Variants in SVIL observed in about 807,000 individuals in gnomAD.
SVIL encodes the protein archvillin.
In SVIL, 101 loss-of-function variants were observed where a neutral mutation model predicts 240.4. The ratio of observed to expected loss-of-function variants is 0.42; its 90% CI spans 0.36 to 0.50. The LOEUF (loss-of-function observed/expected upper bound fraction) is 0.50, where lower values mean the gene tolerates loss of function less well. Among genes scored for constraint, SVIL ranks in the 20% least tolerant of loss-of-function variants. The probability of loss-of-function intolerance (pLI) is 0.01; values close to 1 mark genes in which losing one functional copy is unlikely to be tolerated. For missense variants in SVIL, 2,512 were observed against 2,818.7 expected, an observed-to-expected ratio of 0.89 and a Z score of 2.46; for synonymous variants, 999 against 1,100.0, an observed-to-expected ratio of 0.91 and a Z score of 1.82.
intron 14 of SVIL, 138 bp from the exon 15 acceptor site, chr10:29,524,165 G>C (rs1950741514): frequency 1.0e-6 from 1 of 999,786 alleles, no homozygotes; most frequent in African/African-American, 1.6e-5. Context: ...ACCATTCCTG[G>C]ACATAGTTAT....
At position 29,499,139 on chromosome 10, in the gene SVIL, A is replaced by G; in HGVS notation, c.3641T>C (p.Val1214Ala). 6.2e-7 allele frequency: 1 copy of G among 1,611,420 alleles called. No homozygotes were observed. The highest frequency in any genetic ancestry group is 1.1e-5 in the South Asian group (1 of 90,736). ...ACCTTTCTTCACCATCCTGCCAGCC[A>G]CAGTGAACTGGGTCGAGTCGTTGGC... ...GAANDSTQFT[V>A]AGRMVKKGLA... Residue 1214 changes from valine to alanine, a missense_variant, in exon 18 of 38, where the codon GTG (valine) becomes GCG (alanine). Coordinates refer to ENST00000355867, the MANE Select transcript of SVIL (RefSeq NM_021738.3).
rs886155023 is a variant in SVIL, at chr10:29,481,164, GTGTT to G, written c.5101-355_5101-352del. 8.2e-3 allele frequency among the ~76,000 whole-genome samples: 1,163 copies of G among 141,086 alleles called. 9 individuals carry two copies. Among genetic ancestry groups the G allele is most frequent in the African/African-American group, 0.022 (710 of 31,748 alleles). 92.6% of individuals were successfully genotyped at this position (141,086 alleles called of 152,430 possible). ...TGTGTGTGTGTGTGTGTGTGTGTGT[GTGTT>G]TGTTTGTGTGTCTGTGTGTCCATGG... On this transcript the variant is annotated intron_variant, in intron 28 of 37. Coordinates refer to ENST00000355867, the MANE Select transcript of SVIL (RefSeq NM_021738.3).
intron 6 of SVIL, among the ~76,000 whole-genome samples, chr10:29,546,146 T>TA (rs1952665256): frequency 6.6e-6 from 1 of 152,224 alleles, no homozygotes; most frequent in Admixed American, 6.5e-5. Context: ...CTCAGGTGTT[T>TA]AAAAATCTGA....
intron 1 of SVIL, among the ~76,000 whole-genome samples, chr10:29,713,166 A>G (rs1963403494): frequency 6.6e-6 from 1 of 151,922 alleles, no homozygotes; most frequent in Admixed American, 6.6e-5. Flanking sequence ...ACAGAGTGAC[A>G]GTCCATCTCA....
intron 1 of SVIL, among the ~76,000 whole-genome samples, chr10:29,697,695 AGACCTTT>A (rs568077921): frequency 0.02 from 2,223 of 112,758 alleles, 214 homozygotes; most frequent in Middle Eastern, 0.052. Flanking sequence ...GGAAAACCAG[AGACCTTT>A]GTTCACTTGT....
exon 2 of SVIL, chr10:29,686,563 G>A (rs148731590): frequency 2.6e-5 from 4 of 152,078 alleles, no homozygotes; most frequent in African/African-American, 7.2e-5. Context: ...CTTTTCTTCC[G>A]CTAGTCAAAA....
In SVIL at chr10:29,725,757, G is replaced by A. The variant is rs147193788; in HGVS notation, c.-400+9994C>T. ...CAACGCTCAGCAGAGGGAAAAGAAA[G>A]CCTCTTTAGAAACAGAGTTGGCAAA... On this transcript the variant is annotated intron_variant, in intron 1 of 35. Coordinates refer to the SVIL transcript ENST00000375400. 5.2e-3 allele frequency among the ~76,000 whole-genome samples: 791 copies of A among 152,194 alleles called. 4 individuals are homozygous for A. The highest frequency in any genetic ancestry group is 0.014 in the African/African-American group (595 of 41,526).
rs774953416 is a variant in SVIL, at chr10:29,523,993, G to A, written c.2621C>T (p.Ala874Val). The A allele has an allele frequency of 2.5e-6, 4 of 1,613,808 alleles. No individual in the cohort carries two copies. The South Asian group carries it at 3.3e-5, about 13-fold the overall frequency. ...TACGGTAGACACTGATGTGTTCACG[G>A]CAGGTGAGAAAGGAATGAGCTTTCC... ...QSGKLIPFSP[A>V]VNTSVSTVAS... Residue 874 changes from alanine (A) to valine (V), a missense_variant, in exon 15 of 38, where the codon GCC (alanine) becomes GTC (valine). Physicochemically the swap from Ala to Val is moderately conservative, Grantham distance 64. Coordinates refer to ENST00000355867, the MANE Select transcript of SVIL (RefSeq NM_021738.3).
intron 3 of SVIL, among the ~76,000 whole-genome samples, chr10:29,640,987 C>T (rs1958465761): frequency 2.0e-5 from 3 of 152,236 alleles, no homozygotes; most frequent in South Asian, 4.1e-4. Flanking sequence ...AGGTGGATAG[C>T]GCTTGCTTCT....
At chr10:29,598,922 G>A (rs1304393319) in intron 1 of SVIL, among the ~76,000 whole-genome samples, 1 of 152,178 alleles carries the variant, frequency 6.6e-6, no homozygotes, top group Non-Finnish European at 1.5e-5. Flanking sequence ...TGACAGATTT[G>A]GAACATGAGC....
intron 3 of SVIL, among the ~76,000 whole-genome samples, chr10:29,648,812 T>TG (rs1350140846): frequency 2.2e-5 from 3 of 133,734 alleles, no homozygotes; most frequent in African/African-American, 3.1e-5. Context: ...ACAGGACAGC[T>TG]GGGAAAAAAA....
At chr10:29,631,775 A>AAAAAAAT (rs1466199886) in intron 1 of SVIL, among the ~76,000 whole-genome samples, 1 of 152,130 alleles carries the variant, frequency 6.6e-6, no homozygotes, top group African/African-American at 2.4e-5. Context: ...ACTCCATCTC[A>AAAAAAAT]AAAAAATAAA....
chr10:29,551,079 C>T lies in SVIL; in HGVS notation c.345G>A (p.Gln115=). The T allele has an allele frequency of 6.2e-7, 1 of 1,614,186 alleles. No individual in the cohort carries two copies. Residue 115 remains glutamine (Q), a synonymous_variant, in exon 6 of 38, where the codon CAG becomes CAA. Transcript: ENST00000355867. ...IARYKAERRR[Q]LAEKYGLTLD... ...GAGTCAGCCCATACTTCTCTGCCAG[C>T]TGTCGCCTTCTTTCTGCTTTGTACC...
rs189166945 is a variant in SVIL at position 29,715,401 on chromosome 10, T to C, written c.-400+20350A>G. 3.0e-4 allele frequency among the ~76,000 whole-genome samples: 45 copies of C among 152,282 alleles called. No homozygotes were observed. The East Asian group carries it at 8.5e-3, about 29-fold the overall frequency. On this transcript the variant is annotated intron_variant, in intron 1 of 35. Transcript: ENST00000375400. ...AGCTTTCCCCTAACACTCTCGTGAT[T>C]GGTGTGAAAATGAAACCTGCTCCTT...
At chr10:29,652,146 A>G (rs185313529) in intron 3 of SVIL, among the ~76,000 whole-genome samples, 2 of 152,310 alleles carry the variant, frequency 1.3e-5, no homozygotes, top group Admixed American at 6.5e-5. Flanking sequence ...TAGAAACTCA[A>G]TTCTAGTCAC....
Position 29,488,632 on chromosome 10 carries a change from G to C in SVIL, c.4317C>G (p.Pro1439=). 1 of 1,609,110 alleles carries C rather than the reference G, an allele frequency of 6.2e-7. No homozygotes were observed. Among genetic ancestry groups the C allele is most frequent in the Non-Finnish European group, 8.5e-7 (1 of 1,178,454 alleles). The change falls in exon 23 of 38, where the codon CCC becomes CCG. Residue 1439 remains proline (P), a synonymous_variant. Transcript: ENST00000355867. ...TCTGCAACAGCATCAGCCTCTTGTAGGGCACGGCGCTGTTGTTAGAGTTCT... is the reference window on the plus strand; with the variant it reads ...TCTGCAACAGCATCAGCCTCTTGTACGGCACGGCGCTGTTGTTAGAGTTCT... The part of the protein sequence containing the change: ...TEQNSNNSAV[P]YKRLMLLQIK...
intron 29 of SVIL, 40 bp from the exon 30 acceptor site, chr10:29,474,029 A>G (rs2132322680): frequency 6.2e-7 from 1 of 1,602,020 alleles, no homozygotes; most frequent in African/African-American, 1.3e-5. Flanking sequence ...TCAGCAGCTG[A>G]GACACCCGAG....
chr10:29,520,837 G>C (rs550943770), intron 16 of SVIL, among the ~76,000 whole-genome samples: 2 of 150,376 alleles, frequency 1.3e-5, no homozygotes, highest in South Asian at 4.3e-4. Flanking sequence ...GATCACTTGT[G>C]TCCAGGAGTT....
chr10:29,551,820 T>C (rs1953368613), intron 5 of SVIL, among the ~76,000 whole-genome samples: 1 of 152,098 alleles, frequency 6.6e-6, no homozygotes, highest in Non-Finnish European at 1.5e-5. Flanking sequence ...GTAGGAAATA[T>C]CTAATATGAG....
Sources: gnomAD v4.1 joint callset for allele counts (sites outside exome capture counted in the v4.1 genomes callset) on GRCh38, gnomAD v4.1.1 for gene constraint, MANE v1.5 for transcripts, NCBI Gene and HGNC (gene_info 2026-07-23, HGNC 2026-07-21) for gene names.